Variants in ESRRG observed in about 807,000 individuals in gnomAD.
The protein encoded by ESRRG is estrogen-related receptor gamma.
ESRRG carries 13 observed loss-of-function variants against 44.0 expected under a neutral mutation model. The ratio of observed to expected loss-of-function variants is 0.30; its 90% confidence interval spans 0.19 to 0.47. The LOEUF (loss-of-function observed/expected upper bound fraction) is 0.47, where lower values mean the gene tolerates loss of function less well. ESRRG is among the 20% of genes least tolerant of loss of function. The pLI, the probability that ESRRG is intolerant of heterozygous loss-of-function variation, is 1.00. For synonymous variants in ESRRG, 215 were observed against 214.6 expected (o/e 1.00, Z -0.02); for missense variants, 395 against 580.6 (o/e 0.68, Z 3.29).
At chr1:216,946,955 CT>C (rs1217684365) in intron 1 of ESRRG, among the ~76,000 whole-genome samples, 2 of 152,130 alleles carry the variant, frequency 1.3e-5, no homozygotes, top group Non-Finnish European at 2.9e-5. Context: ...CCGCCTCGGC[CT>C]CCCTAAGTGC....
intron 1 of ESRRG, among the ~76,000 whole-genome samples, chr1:216,968,701 C>CT (rs3072232): frequency 0.37 from 52,438 of 141,694 alleles, 10,364 homozygotes; most frequent in Non-Finnish European, 0.45. Flanking sequence ...TAGTATGGGT[C>CT]TTTTTTTTTT....
At chr1:216,832,361 G>A (rs1324537410) in intron 2 of ESRRG, among the ~76,000 whole-genome samples, 2 of 152,156 alleles carry the variant, frequency 1.3e-5, no homozygotes, top group African/African-American at 2.4e-5. Context: ...CCTTTTGACT[G>A]TTAGTCTTGG....
intron 2 of ESRRG, among the ~76,000 whole-genome samples, chr1:216,752,479 A>G (rs1005223850): frequency 2.0e-5 from 3 of 152,142 alleles, no homozygotes; most frequent in African/African-American, 7.2e-5. Context: ...TGAATACTTT[A>G]CTTTTACTTA....
chr1:216,987,051 A>G (rs984924128), intron 1 of ESRRG, among the ~76,000 whole-genome samples: 2 of 152,262 alleles, frequency 1.3e-5, no homozygotes, highest in Non-Finnish European at 2.9e-5. Flanking sequence ...ATCGAAGAGC[A>G]TGTAGCCAAA....
intron 3 of ESRRG, among the ~76,000 whole-genome samples, chr1:216,590,275 A>C (rs1457218682): frequency 6.6e-6 from 1 of 152,160 alleles, no homozygotes; most frequent in African/African-American, 2.4e-5. Flanking sequence ...ACAAAGCTAC[A>C]TACTTCAAAC....
At chr1:216,678,403 T>G (rs1442532031) in intron 1 of ESRRG, among the ~76,000 whole-genome samples, 1 of 152,244 alleles carries the variant, frequency 6.6e-6, no homozygotes, top group Non-Finnish European at 1.5e-5. Flanking sequence ...TCTGATGTTA[T>G]ATTTACATTC....
intron 1 of ESRRG, among the ~76,000 whole-genome samples, chr1:217,048,117 AAC>A (rs1395140125): frequency 1.3e-5 from 2 of 152,158 alleles, no homozygotes; most frequent in African/African-American, 2.4e-5. Context: ...GGTGAAGGGA[AAC>A]ACAAGTTAGC....
At chr1:216,554,495 G>C (rs1572869048) in intron 5 of ESRRG, among the ~76,000 whole-genome samples, 1 of 151,448 alleles carries the variant, frequency 6.6e-6, no homozygotes, top group Non-Finnish European at 1.5e-5. Flanking sequence ...TTTGAGCTGA[G>C]TGCAGTGGCT....
At chr1:216,988,296 T>C (rs2075184919) in intron 1 of ESRRG, among the ~76,000 whole-genome samples, 1 of 152,174 alleles carries the variant, frequency 6.6e-6, no homozygotes, top group Non-Finnish European at 1.5e-5. Context: ...GGGTGAGAAA[T>C]TACTTACCAT....
chr1:216,775,084 T>A (rs1576407020), intron 2 of ESRRG, among the ~76,000 whole-genome samples: 1 of 151,968 alleles, frequency 6.6e-6, no homozygotes, highest in African/African-American at 2.4e-5. Flanking sequence ...GCTAGGATTA[T>A]AGGCGTGAGC....
chr1:217,056,434 C>T (rs1476903991), intron 1 of ESRRG, among the ~76,000 whole-genome samples: 1 of 151,918 alleles, frequency 6.6e-6, no homozygotes, highest in Non-Finnish European at 1.5e-5. Flanking sequence ...AGAATTTATA[C>T]TAAAACAAAT....
intron 1 of ESRRG, among the ~76,000 whole-genome samples, chr1:217,109,856 T>C (rs752601765): frequency 6.6e-6 from 1 of 152,210 alleles, no homozygotes; most frequent in Non-Finnish European, 1.5e-5. Context: ...CCACAGTTCA[T>C]ATTTAGCTCT....
At chr1:216,686,971 T>TC (rs2078096430) in intron 1 of ESRRG, among the ~76,000 whole-genome samples, 1 of 151,946 alleles carries the variant, frequency 6.6e-6, no homozygotes, top group African/African-American at 2.4e-5. Context: ...CTCCCAAACT[T>TC]CCATTTCCTT....
intron 5 of ESRRG, among the ~76,000 whole-genome samples, chr1:216,533,580 G>A (rs1402739403): frequency 6.6e-6 from 1 of 152,016 alleles, no homozygotes; most frequent in Non-Finnish European, 1.5e-5. Flanking sequence ...GGGAAGTTGG[G>A]GAGTTCTAGA....
intron 2 of ESRRG, among the ~76,000 whole-genome samples, chr1:216,810,073 T>A (rs2094920329): frequency 6.6e-6 from 1 of 152,124 alleles, no homozygotes; most frequent in Admixed American, 6.5e-5. Context: ...GCTACACACC[T>A]GCAAACTGTT....
chr1:216,777,767 C>T (rs1160664270), intron 2 of ESRRG, among the ~76,000 whole-genome samples: 1 of 152,122 alleles, frequency 6.6e-6, no homozygotes, highest in Non-Finnish European at 1.5e-5. Flanking sequence ...ACACATAACA[C>T]ATACACATAA....
intron 1 of ESRRG, among the ~76,000 whole-genome samples, chr1:216,713,286 T>C (rs992047861): frequency 1.3e-5 from 2 of 151,608 alleles, no homozygotes; most frequent in African/African-American, 4.9e-5. Flanking sequence ...TGCTTTAAGA[T>C]GGACTATTAC....
At chr1:216,636,704 C>T (rs1453756529) in intron 3 of ESRRG, among the ~76,000 whole-genome samples, 1 of 152,162 alleles carries the variant, frequency 6.6e-6, no homozygotes, top group African/African-American at 2.4e-5. Context: ...GAATTCCTAG[C>T]TTTACAAGCT....
chr1:216,857,561 T>C (rs1269116524), intron 2 of ESRRG, among the ~76,000 whole-genome samples: 1 of 152,036 alleles, frequency 6.6e-6, no homozygotes, highest in East Asian at 1.9e-4. Context: ...TTAAAAGTAT[T>C]CTTTAAAAAT....
Sources: gnomAD v4.1 joint callset for allele counts (sites outside exome capture counted in the v4.1 genomes callset) on GRCh38, gnomAD v4.1.1 for gene constraint, MANE v1.5 for transcripts, NCBI Gene and HGNC (gene_info 2026-07-23, HGNC 2026-07-21) for gene names.